Variants in SHANK2 observed in about 807,000 individuals in gnomAD.
The protein encoded by SHANK2 is SH3 and multiple ankyrin repeat domains 2, also known as SH3 and multiple ankyrin repeat domains protein 2.
A neutral mutation model predicts 133.7 loss-of-function variants in SHANK2; 43 were observed. That is an observed-to-expected ratio of 0.32 (90% CI 0.25 to 0.41). The LOEUF is 0.41. Ranked by LOEUF, SHANK2 falls within the 10% of genes least tolerant of loss-of-function variation. The pLI is 1.00. For missense variants in SHANK2, 1,994 were observed against 2,235.8 expected, an observed-to-expected ratio of 0.89 and a Z score of 2.18; for synonymous variants, 1,017 against 952.8, an observed-to-expected ratio of 1.07 and a Z score of -1.24.
chr11:70,631,594 A>T (rs1455125528), intron 17 of SHANK2, among the ~76,000 whole-genome samples: 1 of 152,214 alleles, frequency 6.6e-6, no homozygotes, highest in Non-Finnish European at 1.5e-5. Flanking sequence ...CCTCCAAGGC[A>T]AGGTGACCCA....
At chr11:70,851,554 G>A (rs1438221111) in intron 11 of SHANK2, among the ~76,000 whole-genome samples, 8 of 152,242 alleles carry the variant, frequency 5.3e-5, no homozygotes, top group African/African-American at 1.9e-4. Flanking sequence ...CTTGGACTAT[G>A]AGGGCAATTG....
chr11:70,512,042 A>T (rs2135884053), intron 17 of SHANK2, among the ~76,000 whole-genome samples: 1 of 152,260 alleles, frequency 6.6e-6, no homozygotes, highest in Middle Eastern at 3.4e-3. Flanking sequence ...TATTTTTGCT[A>T]CTTGATATTT....
At chr11:70,743,396 C>T (rs1232371776) in intron 14 of SHANK2, among the ~76,000 whole-genome samples, 14 of 152,308 alleles carry the variant, frequency 9.2e-5, no homozygotes, top group African/African-American at 2.6e-4. Flanking sequence ...CAGTACCCCT[C>T]GCCCCCCAAT....
At chr11:70,575,959 T>C (rs575314376) in intron 17 of SHANK2, among the ~76,000 whole-genome samples, 2 of 152,004 alleles carry the variant, frequency 1.3e-5, no homozygotes, top group Non-Finnish European at 2.9e-5. Flanking sequence ...GGCTCAGTAA[T>C]TATTTGTTGG....
intron 10 of SHANK2, among the ~76,000 whole-genome samples, chr11:70,921,935 A>C (rs1233124292): frequency 1.3e-5 from 2 of 152,250 alleles, no homozygotes; most frequent in African/African-American, 2.4e-5. Context: ...GAAAACAAAG[A>C]GAAAAAACAG....
intron 6 of SHANK2, among the ~76,000 whole-genome samples, chr11:71,104,969 C>CA (rs1449311381): frequency 2.0e-5 from 3 of 152,008 alleles, no homozygotes; most frequent in Non-Finnish European, 2.9e-5. Flanking sequence ...TTTGGCCTTA[C>CA]AAAAAAATGC....
rs575819114 is a variant in SHANK2, at chr11:70,525,282, C to G, written c.2062-22351G>C. ...CCTGGGCCACGGTGTATACCTTGCC[C>G]AGGCTTGCCCAGCTAGGTCACTTCT... On this transcript the variant is annotated intron_variant, in intron 17 of 25. Transcript: ENST00000601538. 1.6e-3 allele frequency among the ~76,000 whole-genome samples: 248 copies of G among 152,342 alleles called. 1 individual carries two copies. Among genetic ancestry groups the G allele is most frequent in the Middle Eastern group, 0.01 (3 of 294 alleles).
intron 14 of SHANK2, among the ~76,000 whole-genome samples, chr11:70,793,554 T>C (rs1183519280): frequency 2.0e-5 from 3 of 152,148 alleles, no homozygotes; most frequent in Non-Finnish European, 4.4e-5. Context: ...AAAGAAGCTA[T>C]ACATACAGCA....
At chr11:70,910,545 C>T (rs1402184501) in intron 10 of SHANK2, among the ~76,000 whole-genome samples, 2 of 152,170 alleles carry the variant, frequency 1.3e-5, no homozygotes, top group African/African-American at 2.4e-5. Context: ...TGGTGGCTCA[C>T]ACCTGTAATC....
At chr11:70,686,594 G>A (rs1241285603) in intron 15 of SHANK2, among the ~76,000 whole-genome samples, 1 of 152,184 alleles carries the variant, frequency 6.6e-6, no homozygotes, top group South Asian at 2.1e-4. Context: ...CCAGATGCCA[G>A]GGAGAAGGAG....
At chr11:71,085,632 T>C (rs1471168935) in intron 8 of SHANK2, among the ~76,000 whole-genome samples, 2 of 66,466 alleles carry the variant, frequency 3.0e-5, no homozygotes, top group African/African-American at 5.9e-5. Flanking sequence ...TATATTATAA[T>C]ATATATAATA....
At chr11:70,891,476 T>G (rs1440420268) in intron 11 of SHANK2, among the ~76,000 whole-genome samples, 5 of 152,126 alleles carry the variant, frequency 3.3e-5, no homozygotes, top group Non-Finnish European at 7.4e-5. Context: ...CACTCCAGCC[T>G]GGGTGACAGA....
chr11:71,113,401 C>G (rs1397445946), intron 4 of SHANK2, 37 bp from the exon 5 acceptor site: 2 of 1,533,642 alleles, frequency 1.3e-6, no homozygotes, highest in Non-Finnish European at 1.8e-6. Context: ...GAAAACAAGT[C>G]AATACTTCTC....
intron 14 of SHANK2, among the ~76,000 whole-genome samples, chr11:70,761,561 C>G (rs558894380): frequency 6.6e-6 from 1 of 152,212 alleles, no homozygotes; most frequent in African/African-American, 2.4e-5. Flanking sequence ...CTGGCTCATC[C>G]CGGGTGCACC....
At chr11:70,799,407 A>T (rs1947994293) in intron 13 of SHANK2, among the ~76,000 whole-genome samples, 1 of 151,792 alleles carries the variant, frequency 6.6e-6, no homozygotes, top group Non-Finnish European at 1.5e-5. Flanking sequence ...CATCTCAAAA[A>T]AAAAAGAAAG....
chr11:70,677,036 A>C (rs1234437270), intron 15 of SHANK2, among the ~76,000 whole-genome samples: 2 of 152,224 alleles, frequency 1.3e-5, no homozygotes, highest in Non-Finnish European at 2.9e-5. Context: ...TTACTTGTAC[A>C]TCACAGGGCT....
intron 17 of SHANK2, among the ~76,000 whole-genome samples, chr11:70,593,867 T>C (rs2060362498): frequency 1.3e-5 from 2 of 152,212 alleles, no homozygotes; most frequent in Non-Finnish European, 2.9e-5. Context: ...ATTCAATGAA[T>C]TGCTACAGTC....
chr11:70,631,296 G>C (rs2060982163), intron 17 of SHANK2: 1 of 151,922 alleles, frequency 6.6e-6, no homozygotes, highest in Non-Finnish European at 1.5e-5. Flanking sequence ...TGACAACTTA[G>C]AATTGTACAA....
chr11:70,670,727 G>A (rs1555015870), intron 15 of SHANK2, among the ~76,000 whole-genome samples: 1 of 152,224 alleles, frequency 6.6e-6, no homozygotes, highest in African/African-American at 2.4e-5. Flanking sequence ...AACGCCCAGT[G>A]CCATCCTGGT....
Sources: gnomAD v4.1 joint callset for allele counts (sites outside exome capture counted in the v4.1 genomes callset) on GRCh38, gnomAD v4.1.1 for gene constraint, MANE v1.5 for transcripts, NCBI Gene and HGNC (gene_info 2026-07-23, HGNC 2026-07-21) for gene names.